CA5B: variants seen among roughly 807,000 people sequenced by gnomAD.
CA5B encodes the protein carbonic anhydrase 5B, mitochondrial.
A neutral mutation model predicts 23.1 loss-of-function variants in CA5B; 15 were observed. The ratio of observed to expected loss-of-function variants is 0.65; its 90% confidence interval spans 0.43 to 1.00. The LOEUF is 1.00. Among genes scored for constraint, CA5B ranks in the 50% least tolerant of loss-of-function variants. The pLI, the probability that CA5B is intolerant of heterozygous loss-of-function variation, is 0.00. For synonymous variants in CA5B, 84 were observed against 98.5 expected, an observed-to-expected ratio of 0.85 and a Z score of 0.87; for missense variants, 236 against 252.2, an observed-to-expected ratio of 0.94 and a Z score of 0.43.
chrX:15,757,707 CA>C (rs757235598), intron 2 of CA5B, among the ~76,000 whole-genome samples: 1,374 of 45,768 alleles, frequency 0.03, 44 homozygotes, highest in East Asian at 0.25. Context: ...GACTCCATCT[CA>C]AAAAAAAAAA....
At chrX:15,744,591 C>T (rs1182291047) in intron 1 of CA5B, among the ~76,000 whole-genome samples, 1 of 111,924 alleles carries the variant, frequency 8.9e-6, no homozygotes, top group African/African-American at 3.2e-5. Context: ...CTTGTTTGCC[C>T]ACATCCCCCT....
At chrX:15,759,439 C>CA (rs1423756945) in intron 2 of CA5B, among the ~76,000 whole-genome samples, 1 of 111,611 alleles carries the variant, frequency 9.0e-6, no homozygotes. Context: ...CATGTGAAGA[C>CA]AGCAAGGAGG....
intron 7 of CA5B, among the ~76,000 whole-genome samples, chrX:15,781,930 AAAAAAAAAGAAAG>A (rs1844357012): frequency 9.1e-6 from 1 of 109,708 alleles, no homozygotes; most frequent in African/African-American, 3.3e-5. Flanking sequence ...AAAAAAACAA[AAAAAAAAAGAAAG>A]AAAGAAAAGG....
At chrX:15,771,423 TTG>T (rs569735820) in intron 3 of CA5B, among the ~76,000 whole-genome samples, 10 of 102,542 alleles carry the variant, frequency 9.8e-5, no homozygotes, top group Admixed American at 1.1e-4. Flanking sequence ...TGGTAATAAT[TTG>T]TGTGTGTGTG....
intron 2 of CA5B, among the ~76,000 whole-genome samples, chrX:15,754,695 G>C (rs995131459): frequency 8.9e-6 from 1 of 112,595 alleles, no homozygotes; most frequent in Admixed American, 9.4e-5. Flanking sequence ...TGAGATCTTA[G>C]ACCATAGGAA....
At chrX:15,779,793 A>G (rs1212466469) in intron 7 of CA5B, among the ~76,000 whole-genome samples, 1 of 111,698 alleles carries the variant, frequency 9.0e-6, no homozygotes, top group Non-Finnish European at 1.9e-5. Context: ...GTCTGTTTCT[A>G]TTCTTTGGAT....
intron 1 of CA5B, among the ~76,000 whole-genome samples, chrX:15,742,905 G>A (rs1402099454): frequency 1.8e-5 from 2 of 111,978 alleles, no homozygotes; most frequent in Non-Finnish European, 3.8e-5. Flanking sequence ...AGCCAGTACC[G>A]ATGCTCCTAA....
chrX:15,775,208 C>T, intron 5 of CA5B, 38 bp from the exon 6 acceptor site: 1 of 1,029,784 alleles, frequency 9.7e-7, no homozygotes, highest in East Asian at 3.1e-5. Flanking sequence ...AGTGAGATGT[C>T]CATTGTTTGT....
intron 1 of CA5B, among the ~76,000 whole-genome samples, chrX:15,745,192 A>AG (rs1399193741): frequency 9.1e-6 from 1 of 109,402 alleles, no homozygotes; most frequent in Non-Finnish European, 1.9e-5. Context: ...AAAAAAGAAA[A>AG]GAAAAGAAAA....
chrX:15,769,038 A>G (rs1420383649), intron 3 of CA5B, among the ~76,000 whole-genome samples: 1 of 111,558 alleles, frequency 9.0e-6, no homozygotes, highest in Non-Finnish European at 1.9e-5. Flanking sequence ...TCAAGTCAGT[A>G]TCTCAGCTTT....
rs112992108 is a variant in CA5B at position 15,738,771 on chromosome X, A to C, written c.-54+419A>C. On this transcript the variant is annotated intron_variant, in intron 1 of 7. Coordinates refer to ENST00000318636, the MANE Select transcript of CA5B (RefSeq NM_007220.4). ...AGCTAGAGACGGGGGTAAGGGCGAC[A>C]AATCTGAGGTTGCGGTTCCAGAAAC... Among the ~76,000 whole-genome samples the C allele has an allele frequency of 7.7e-3, 852 of 111,070 alleles. 2 individuals are homozygous for C. The highest frequency in any genetic ancestry group is 0.013 in the Non-Finnish European group (694 of 52,930).
In CA5B at chrX:15,763,542, C is replaced by T. The variant is rs143743729; in HGVS notation, c.143-1036C>T. Among the ~76,000 whole-genome samples the T allele has an allele frequency of 1.3e-3, 145 of 112,344 alleles. 1 individual carries two copies. The highest frequency in any genetic ancestry group is 4.3e-3 in the African/African-American group (133 of 30,948). ...TTTTGCAAGATGCCAAAATGCTATT[C>T]CTCTGCCAGGTGCTCTCTGACCTAT... On this transcript the variant is annotated intron_variant, in intron 2 of 7. Transcript: ENST00000318636.
intron 2 of CA5B, among the ~76,000 whole-genome samples, chrX:15,758,140 GAGA>G (rs1045856548): frequency 2.7e-5 from 3 of 111,838 alleles, no homozygotes; most frequent in African/African-American, 9.8e-5. Context: ...AAGCAAAAAG[GAGA>G]AGCAAACTGT....
chrX:15,773,558 C>T (rs1483809587), intron 4 of CA5B, among the ~76,000 whole-genome samples: 1 of 108,979 alleles, frequency 9.2e-6, no homozygotes, highest in African/African-American at 3.3e-5. Flanking sequence ...TACAAGCGCC[C>T]ACCACTGCGC....
intron 3 of CA5B, chrX:15,767,011 ACTGT>A (rs1244539264): frequency 1.8e-6 from 1 of 570,828 alleles, no homozygotes; most frequent in Non-Finnish European, 2.5e-6. Context: ...GTTCTGGATG[ACTGT>A]CTGGCACTCT....
chrX:15,747,935 G>A (rs1931270654), intron 1 of CA5B, among the ~76,000 whole-genome samples: 1 of 111,339 alleles, frequency 9.0e-6, no homozygotes, highest in Non-Finnish European at 1.9e-5. Context: ...CGAGAGGAGA[G>A]CAGCTCTCTC....
chrX:15,774,464 A>G (rs1381628855), intron 5 of CA5B, 67 bp downstream of exon 5: 13 of 1,003,422 alleles, frequency 1.3e-5, no homozygotes, highest in Non-Finnish European at 1.7e-5. Context: ...ACAGTATAAT[A>G]TTGTTATTTA....
rs190935601 is a variant in CA5B, at chrX:15,753,864, C to T, written c.142+3699C>T. Among the ~76,000 whole-genome samples the T allele has an allele frequency of 4.7e-4, 53 of 112,226 alleles. 1 individual carries two copies. The highest frequency in any genetic ancestry group is 4.5e-3 in the Admixed American group (48 of 10,666). On this transcript the variant is annotated intron_variant, in intron 2 of 7. Coordinates refer to ENST00000318636, the MANE Select transcript of CA5B (RefSeq NM_007220.4). ...GCAGAGGTTCCAGGTGAGCTGAGAT[C>T]GTGCCATTGCACTCCAGCCTGGGCG...
At chrX:15,762,701 A>G (rs1460135836) in intron 2 of CA5B, 1 of 316,107 alleles carries the variant, frequency 3.2e-6, no homozygotes, top group African/African-American at 2.7e-5. Flanking sequence ...CACCATGCCC[A>G]GCCAGTGTCA....
Sources: allele counts gnomAD v4.1 joint callset (sites outside exome capture counted in the v4.1 genomes callset), GRCh38; gene constraint gnomAD v4.1.1; transcripts MANE v1.5; gene names NCBI Gene and HGNC (gene_info 2026-07-23, HGNC 2026-07-21).